The following MEF2C variants were observed in gnomAD, a reference collection of about 807,000 sequenced individuals.
The protein encoded by MEF2C is myocyte-specific enhancer factor 2C.
Under a neutral mutation model 50.5 loss-of-function variants are expected in MEF2C, and 6 were observed. The ratio of observed to expected loss-of-function variants is 0.12; its 90% confidence interval spans 0.07 to 0.23. MEF2C has a LOEUF of 0.23. MEF2C is among the 10% of genes least tolerant of loss of function. The pLI is 1.00. For synonymous variants in MEF2C, 183 were observed against 228.0 expected (o/e 0.80, Z 1.78); for missense variants, 276 against 605.0 (o/e 0.46, Z 5.70).
chr5:88,783,682 C>T (rs7712452), intron 3 of MEF2C, among the ~76,000 whole-genome samples: 87,658 of 151,908 alleles, frequency 0.58, 27,242 homozygotes, highest in Non-Finnish European at 0.71. Flanking sequence ...AGTAATTTGC[C>T]CAAGGACATA....
intron 3 of MEF2C, among the ~76,000 whole-genome samples, chr5:88,786,576 T>C (rs907623066): frequency 3.9e-5 from 6 of 152,208 alleles, no homozygotes; most frequent in Non-Finnish European, 7.3e-5. Context: ...CTAACATTTG[T>C]GTTCTATGGA....
At chr5:88,848,021 A>C (rs1297368338) in intron 1 of MEF2C, among the ~76,000 whole-genome samples, 1 of 152,220 alleles carries the variant, frequency 6.6e-6, no homozygotes, top group Non-Finnish European at 1.5e-5. Context: ...CACAAAGTGC[A>C]AATAAACTTC....
At chr5:88,749,196 G>A in intron 5 of MEF2C, 79 bp from the exon 6 acceptor site, 1 of 1,408,780 alleles carries the variant, frequency 7.1e-7, no homozygotes, top group Non-Finnish European at 9.5e-7. Flanking sequence ...AGCAACCTCA[G>A]TATTTTGTCC....
At chr5:88,786,418 C>A (rs764180377) in intron 3 of MEF2C, among the ~76,000 whole-genome samples, 2 of 152,144 alleles carry the variant, frequency 1.3e-5, no homozygotes, top group Non-Finnish European at 2.9e-5. Context: ...TAACAATTTT[C>A]CAGCCTCTCA....
chr5:88,766,347 C>G (rs1176543128), intron 3 of MEF2C, among the ~76,000 whole-genome samples: 2 of 152,122 alleles, frequency 1.3e-5, no homozygotes, highest in African/African-American at 2.4e-5. Flanking sequence ...AAATCCTTTT[C>G]TTATGCAGTG....
At chr5:88,750,119 C>T (rs1390988747) in intron 5 of MEF2C, 1 of 859,988 alleles carries the variant, frequency 1.2e-6, no homozygotes, top group Non-Finnish European at 1.4e-6. Context: ...TTCTAATTGC[C>T]TCTAAGTGAT....
At chr5:88,772,893 G>T (rs1783026036) in intron 3 of MEF2C, 1 of 985,344 alleles carries the variant, frequency 1.0e-6, no homozygotes, top group African/African-American at 1.7e-5. Flanking sequence ...AACACACTTA[G>T]ATGCTAATTG....
intron 1 of MEF2C, among the ~76,000 whole-genome samples, chr5:88,894,650 T>C (rs1476175774): frequency 6.6e-6 from 1 of 152,174 alleles, no homozygotes; most frequent in African/African-American, 2.4e-5. Flanking sequence ...AGCATTAGAT[T>C]ATTTGATATT....
chr5:88,834,951 T>G (rs1339879605), intron 1 of MEF2C, among the ~76,000 whole-genome samples: 2 of 152,178 alleles, frequency 1.3e-5, no homozygotes, highest in Non-Finnish European at 2.9e-5. Context: ...CTTCCTTCAC[T>G]GATATTATAT....
intron 6 of MEF2C, chr5:88,739,078 A>G: frequency 2.0e-6 from 2 of 985,236 alleles, no homozygotes; most frequent in Non-Finnish European, 2.4e-6. Context: ...TGTCAATTTA[A>G]GAGACCAGCT....
Position 88,719,460 on chromosome 5 carries a change from A to T in MEF2C, c.*3144T>A, listed in dbSNP as rs878940324. Reference sequence around the variant, plus strand: ...CTTCATATTACCAAAAATCTTTTAAAATAGGATTAGATATAACAATACTCG... The same window carrying T: ...CTTCATATTACCAAAAATCTTTTAATATAGGATTAGATATAACAATACTCG... On this transcript the variant is annotated 3_prime_UTR_variant, in exon 11 of 11. Coordinates refer to ENST00000504921, the MANE Select transcript of MEF2C (RefSeq NM_002397.5). The T allele has an allele frequency of 3.3e-5, 5 of 152,220 alleles. No homozygotes were observed. Among genetic ancestry groups the T allele is most frequent in the African/African-American group, 1.2e-4 (5 of 41,464 alleles). The allele number at this position is 152,220 out of a possible 1,614,324, so 9.4% of individuals were successfully genotyped here.
intron 3 of MEF2C, among the ~76,000 whole-genome samples, chr5:88,766,265 A>C (rs1780001886): frequency 6.6e-6 from 1 of 152,212 alleles, no homozygotes; most frequent in Non-Finnish European, 1.5e-5. Context: ...CGTTACTGAA[A>C]GGAATATAAA....
chr5:88,858,275 T>G (rs1012176761), intron 1 of MEF2C, among the ~76,000 whole-genome samples: 1 of 152,206 alleles, frequency 6.6e-6, no homozygotes, highest in Non-Finnish European at 1.5e-5. Flanking sequence ...TCTTTTTTCC[T>G]GTCTCTCATA....
At position 88,739,339 on chromosome 5, in the gene MEF2C, T is replaced by A. The variant is rs1018312226; in HGVS notation, c.638-7438A>T. On this transcript the variant is annotated intron_variant, in intron 6 of 10. Coordinates refer to ENST00000504921, the MANE Select transcript of MEF2C (RefSeq NM_002397.5). ...CTTCAACAAAATGTTTTACTCACTTTAAAAAAAAAATAAAGCAATTTTGAA... is the reference window on the plus strand; with the variant it reads ...CTTCAACAAAATGTTTTACTCACTTAAAAAAAAAAATAAAGCAATTTTGAA... 3.5e-5 allele frequency: 32 copies of A among 922,990 alleles called. No individual in the cohort carries two copies. The East Asian group carries it at 1.1e-3, about 30-fold the overall frequency. The allele number at this position is 922,990 out of a possible 1,614,324, so 57.2% of individuals were successfully genotyped here.
At chr5:88,825,475 C>T (rs1810461920) in intron 1 of MEF2C, 1 of 983,348 alleles carries the variant, frequency 1.0e-6, no homozygotes, top group Non-Finnish European at 1.2e-6. Context: ...AAAACTATTG[C>T]TCCAGCTGTA....
intron 6 of MEF2C, chr5:88,740,714 G>A: frequency 4.1e-6 from 4 of 984,430 alleles, no homozygotes; most frequent in Non-Finnish European, 4.8e-6. Context: ...TCTCCTTTGG[G>A]TACTGATTTA....
Position 88,869,304 on chromosome 5 carries a change from T to C in MEF2C, c.-143+13651A>G, listed in dbSNP as rs1021970704. On this transcript the variant is annotated intron_variant, in intron 1 of 10. Coordinates refer to ENST00000504921, the MANE Select transcript of MEF2C (RefSeq NM_002397.5). ...ATATATATATATATATACACATATA[T>C]ATATATATATACACATATAGCTTCA... Among the ~76,000 whole-genome samples the C allele has an allele frequency of 5.2e-4, 61 of 116,546 alleles. 1 individual carries two copies. Among genetic ancestry groups the C allele is most frequent in the African/African-American group, 1.9e-3 (56 of 29,388 alleles). The allele number at this position is 116,546 out of a possible 152,430, so 76.5% of individuals were successfully genotyped here.
At chr5:88,827,926 A>G (rs1811576882) in intron 1 of MEF2C, among the ~76,000 whole-genome samples, 1 of 151,716 alleles carries the variant, frequency 6.6e-6, no homozygotes, top group South Asian at 2.1e-4. Flanking sequence ...AAAAAAAAAA[A>G]AAGATATACT....
At chr5:88,777,677 C>A (rs1166640453) in intron 3 of MEF2C, among the ~76,000 whole-genome samples, 1 of 152,040 alleles carries the variant, frequency 6.6e-6, no homozygotes, top group African/African-American at 2.4e-5. Flanking sequence ...GTGTTTGTAA[C>A]GGAATTCATT....
Sources: allele counts gnomAD v4.1 joint callset (sites outside exome capture counted in the v4.1 genomes callset), GRCh38; gene constraint gnomAD v4.1.1; transcripts MANE v1.5; gene names NCBI Gene and HGNC (gene_info 2026-07-23, HGNC 2026-07-21).